SEMA3D: variants seen among roughly 807,000 people sequenced by gnomAD.
SEMA3D encodes semaphorin 3D.
Under a neutral mutation model 100.1 loss-of-function variants are expected in SEMA3D, and 84 were observed. That is an observed-to-expected ratio of 0.84 (90% CI 0.70 to 1.01). SEMA3D has a LOEUF of 1.01. SEMA3D is among the 50% of genes least tolerant of loss of function. The probability of loss-of-function intolerance (pLI) is 0.00; values close to 1 mark genes in which losing one functional copy is unlikely to be tolerated. For synonymous variants in SEMA3D, 312 were observed against 320.7 expected (o/e 0.97, Z 0.29); for missense variants, 875 against 934.1 (o/e 0.94, Z 0.82).
At chr7:85,239,850 T>C in the SEMA3D span, among the ~76,000 whole-genome samples, 2 of 152,182 alleles carry the variant, frequency 1.3e-5, no homozygotes, top group African/African-American at 4.8e-5. Context: ...AGGAAAGCGA[T>C]TGTCTTTTGT....
intron 5 of SEMA3D, among the ~76,000 whole-genome samples, chr7:85,075,496 T>A (rs1387744626): frequency 6.6e-6 from 1 of 151,992 alleles, no homozygotes; most frequent in Non-Finnish European, 1.5e-5. Flanking sequence ...TTTATTAAAA[T>A]GGTGCTAGTC....
At chr7:85,049,276 T>C (rs972082394) in intron 9 of SEMA3D, among the ~76,000 whole-genome samples, 8 of 151,308 alleles carry the variant, frequency 5.3e-5, no homozygotes, top group Non-Finnish European at 1.2e-4. Context: ...TTCTGAAAAA[T>C]ACACCTAGTA....
At chr7:85,140,896 C>T (rs1790028894) in intron 2 of SEMA3D, 1 of 654,168 alleles carries the variant, frequency 1.5e-6, no homozygotes, top group African/African-American at 2.0e-5. Context: ...CACCATCTTC[C>T]TATCAACACC....
intron 1 of SEMA3D, among the ~76,000 whole-genome samples, chr7:85,165,093 G>A (rs1790864252): frequency 1.3e-5 from 2 of 151,212 alleles, no homozygotes; most frequent in South Asian, 2.1e-4. Flanking sequence ...AGAACATGCA[G>A]TGTTTGGTTT....
intron 2 of SEMA3D, among the ~76,000 whole-genome samples, chr7:85,131,028 C>T (rs1020145812): frequency 3.3e-5 from 5 of 151,972 alleles, no homozygotes; most frequent in African/African-American, 1.2e-4. Context: ...TGTAAAGCAC[C>T]GCACCCTGCC....
chr7:85,136,687 T>C (rs1302442080), intron 2 of SEMA3D, among the ~76,000 whole-genome samples: 1 of 152,166 alleles, frequency 6.6e-6, no homozygotes, highest in African/African-American at 2.4e-5. Flanking sequence ...AAAAATATAA[T>C]GTGTATCAAC....
At chr7:85,032,629 T>C (rs1450033991) in intron 12 of SEMA3D, among the ~76,000 whole-genome samples, 1 of 152,080 alleles carries the variant, frequency 6.6e-6, no homozygotes, top group African/African-American at 2.4e-5. Context: ...TCAATAAAAA[T>C]ATTTAAAAAT....
the SEMA3D span, among the ~76,000 whole-genome samples, chr7:85,241,876 C>G: frequency 6.6e-6 from 1 of 151,708 alleles, no homozygotes; most frequent in South Asian, 2.1e-4. Flanking sequence ...ATCATCTTTC[C>G]TCATTTAAAG....
At chr7:85,005,505 A>C (rs1185368967) in intron 18 of SEMA3D, among the ~76,000 whole-genome samples, 10 of 152,100 alleles carry the variant, frequency 6.6e-5, no homozygotes, top group Admixed American at 1.3e-4. Flanking sequence ...TTAAGTATGT[A>C]AAGAGTTAAC....
chr7:85,156,968 C>A (rs1424623372), intron 1 of SEMA3D, among the ~76,000 whole-genome samples: 1 of 152,032 alleles, frequency 6.6e-6, no homozygotes, highest in East Asian at 1.9e-4. Context: ...ACTACAGTGC[C>A]CAAATGGAAG....
intron 2 of SEMA3D, among the ~76,000 whole-genome samples, chr7:85,150,368 T>TATATATTA (rs1554348719): frequency 7.7e-6 from 1 of 130,038 alleles, no homozygotes; most frequent in African/African-American, 2.9e-5. Context: ...TATATATATA[T>TATATATTA]TATATATATA....
chr7:85,236,706 C>T, the SEMA3D span, among the ~76,000 whole-genome samples: 1 of 151,966 alleles, frequency 6.6e-6, no homozygotes, highest in Non-Finnish European at 1.5e-5. Context: ...ATCTCATAAA[C>T]TTAATATGAT....
Position 84,999,514 on chromosome 7 carries a change from GC to G in SEMA3D, c.2259del (p.Met753IlefsTer4). The G allele has an allele frequency of 6.2e-7, 1 of 1,614,040 alleles. No individual in the cohort carries two copies. Among genetic ancestry groups the G allele is most frequent in the Non-Finnish European group, 8.5e-7 (1 of 1,180,006 alleles). ...CGATTTCGTTTCTTCTTCATTTCCT[GC>G]ATGTGCTTCCACTTTGGGCCCCCCT... is the stretch of plus-strand genomic sequence containing the variant. ...RNKGGPKWKHMQEMKKKRNRR... is the reference protein window; with the variant it reads ...RNKGGPKWKHXQEMKKKRNRR... On this transcript the variant is annotated frameshift_variant, in exon 19 of 19. Coordinates refer to ENST00000284136, the MANE Select transcript of SEMA3D (RefSeq NM_001384900.1). LOFTEE classifies it high-confidence loss of function.
At chr7:85,081,452 T>C in intron 5 of SEMA3D, 65 bp downstream of exon 5, 1 of 1,032,592 alleles carries the variant, frequency 9.7e-7, no homozygotes, top group South Asian at 1.3e-5. Context: ...TAAAGCCCAA[T>C]ATAAATATTT....
intron 9 of SEMA3D, among the ~76,000 whole-genome samples, chr7:85,051,238 G>A (rs1488340487): frequency 2.0e-5 from 3 of 151,852 alleles, no homozygotes; most frequent in African/African-American, 7.3e-5. Context: ...ATGGGAAGTA[G>A]AGCAAAATGT....
chr7:85,025,106 T>C (rs948128364), intron 12 of SEMA3D, among the ~76,000 whole-genome samples: 2 of 152,014 alleles, frequency 1.3e-5, no homozygotes, highest in South Asian at 4.1e-4. Context: ...GTATGTACTT[T>C]TAATTTCTAG....
chr7:85,214,526 C>T, the SEMA3D span, among the ~76,000 whole-genome samples: 1 of 151,986 alleles, frequency 6.6e-6, no homozygotes, highest in South Asian at 2.1e-4. Flanking sequence ...GACAGAGTTT[C>T]CCTCTTGTTG....
chr7:85,192,717 G>A, the SEMA3D span, among the ~76,000 whole-genome samples: 17 of 152,200 alleles, frequency 1.1e-4, no homozygotes, highest in South Asian at 1.7e-3. Context: ...TAATATTCAC[G>A]AAAGAGTTTA....
At chr7:85,173,754 A>T (rs1259001992) in intron 1 of SEMA3D, among the ~76,000 whole-genome samples, 1 of 152,140 alleles carries the variant, frequency 6.6e-6, no homozygotes, top group Non-Finnish European at 1.5e-5. Flanking sequence ...TGTTTTCATG[A>T]ACTCCAATTA....
Sources: allele counts gnomAD v4.1 joint callset (sites outside exome capture counted in the v4.1 genomes callset), GRCh38; gene constraint gnomAD v4.1.1; transcripts MANE v1.5; gene names NCBI Gene and HGNC (gene_info 2026-07-23, HGNC 2026-07-21).